The following SARNP variants were observed in gnomAD, a reference collection of about 807,000 sequenced individuals.
SARNP encodes SAP domain-containing ribonucleoprotein.
A neutral mutation model predicts 38.1 loss-of-function variants in SARNP; 5 were observed. The ratio of observed to expected loss-of-function variants is 0.13; its 90% CI spans 0.07 to 0.28. The LOEUF (loss-of-function observed/expected upper bound fraction) is 0.28. SARNP is among the 10% of genes least tolerant of loss of function. SARNP has a pLI of 1.00. For synonymous variants in SARNP, 84 were observed against 80.6 expected, an observed-to-expected ratio of 1.04 and a Z score of -0.23; for missense variants, 180 against 243.9, an observed-to-expected ratio of 0.74 and a Z score of 1.75.
intron 1 of SARNP, among the ~76,000 whole-genome samples, chr12:55,806,900 T>G (rs1880162232): frequency 6.6e-6 from 1 of 152,238 alleles, no homozygotes; most frequent in African/African-American, 2.4e-5. Context: ...TGCTTTATAT[T>G]TATTAAGTAC....
intron 5 of SARNP, among the ~76,000 whole-genome samples, 154 bp from the exon 6 acceptor site, chr12:55,795,034 A>G (rs1391791298): frequency 6.7e-6 from 1 of 149,632 alleles, no homozygotes; most frequent in African/African-American, 2.5e-5. Context: ...ATCTCGGCTC[A>G]CTGCAACCTC....
In SARNP at chr12:55,803,557, A is replaced by G. The variant is rs919089655; in HGVS notation, c.136+72T>C. ...CATTGCTAATGACCTGAAAAAAAAA[A>G]AAGAAATCTTTTCAGTGTCAAAGCC... is the stretch of plus-strand genomic sequence containing the variant. On this transcript the variant is annotated intron_variant, in intron 2 of 10. Coordinates refer to ENST00000336133, the MANE Select transcript of SARNP (RefSeq NM_033082.4). 5.3e-6 allele frequency: 5 copies of G among 950,844 alleles called. No homozygotes were observed. The Admixed American group carries it at 1.2e-4, about 22-fold the overall frequency. 58.9% of individuals were successfully genotyped at this position (950,844 alleles called of 1,614,324 possible). A position where few individuals can be genotyped will look rare whatever the true frequency, so the allele number is the denominator to read the frequency against.
At chr12:55,762,415 G>A (rs1878704805) in intron 9 of SARNP, among the ~76,000 whole-genome samples, 1 of 151,526 alleles carries the variant, frequency 6.6e-6, no homozygotes, top group African/African-American at 2.4e-5. Flanking sequence ...CTGGACTACA[G>A]GCATGTGCCA....
At chr12:55,783,144 G>T (rs932796674) in intron 9 of SARNP, among the ~76,000 whole-genome samples, 3 of 151,972 alleles carry the variant, frequency 2.0e-5, no homozygotes, top group African/African-American at 7.2e-5. Context: ...TATGTGCTAA[G>T]TTCTGTCCTT....
intron 1 of SARNP, among the ~76,000 whole-genome samples, 169 bp downstream of exon 1, chr12:55,817,497 G>A (rs1212393358): frequency 6.6e-6 from 1 of 152,254 alleles, no homozygotes; most frequent in Admixed American, 6.5e-5. Context: ...GGAGAAATGG[G>A]AAATTAGGGA....
chr12:55,781,807 C>T (rs1311576931), intron 9 of SARNP, among the ~76,000 whole-genome samples: 1 of 152,174 alleles, frequency 6.6e-6, no homozygotes. Context: ...CAGCCTTGAC[C>T]TCCTGGACTC....
At chr12:55,811,967 T>C (rs1341105817) in intron 1 of SARNP, among the ~76,000 whole-genome samples, 2 of 152,222 alleles carry the variant, frequency 1.3e-5, no homozygotes, top group Admixed American at 1.3e-4. Context: ...CTCACTATAG[T>C]TTATTCTCAA....
chr12:55,767,437 T>C (rs1354933417), intron 9 of SARNP, among the ~76,000 whole-genome samples: 2 of 151,526 alleles, frequency 1.3e-5, no homozygotes, highest in African/African-American at 4.9e-5. Context: ...TGGTTCCAGC[T>C]ACTCGAGAGG....
downstream of SARNP, chr12:55,756,200 T>G (rs1432261789): frequency 6.6e-6 from 1 of 152,150 alleles, no homozygotes; most frequent in Non-Finnish European, 1.5e-5. Context: ...TCATTCCAAT[T>G]TTAAGGTTTA....
In SARNP at chr12:55,790,585, T is replaced by C. The variant is rs200101615; in HGVS notation, c.414A>G (p.Ser138=). The change falls in exon 8 of 11, where the codon TCA becomes TCG. Residue 138 remains serine, a synonymous_variant. Coordinates refer to ENST00000336133, the MANE Select transcript of SARNP (RefSeq NM_033082.4). ...GISSVPTKGL[S]SDNKPMVNLD... is the part of the protein sequence containing the mutation. ...TTCTTACCATAGGTTTGTTATCAGATGACAGACCTAAGGAAGTAAATAAAG... is the reference window on the plus strand; with the variant it reads ...TTCTTACCATAGGTTTGTTATCAGACGACAGACCTAAGGAAGTAAATAAAG... The C allele has an allele frequency of 1.3e-4, 196 of 1,546,480 alleles. No homozygotes were observed. The highest frequency in any genetic ancestry group is 2.8e-5 in the Non-Finnish European group (32 of 1,146,112).
chr12:55,809,437 C>T (rs1880259358), intron 1 of SARNP, among the ~76,000 whole-genome samples: 3 of 151,886 alleles, frequency 2.0e-5, no homozygotes, highest in East Asian at 1.9e-4. Context: ...CAGTAAGACC[C>T]TGTCCCAAGA....
intron 7 of SARNP, 161 bp downstream of exon 7, chr12:55,794,198 G>T: frequency 1.5e-6 from 1 of 664,590 alleles, no homozygotes; most frequent in Non-Finnish European, 2.7e-6. Context: ...GCCCAGGAAG[G>T]CCTAAGTATA....
chr12:55,763,455 G>A (rs1211320223), intron 9 of SARNP, among the ~76,000 whole-genome samples: 5 of 152,002 alleles, frequency 3.3e-5, no homozygotes, highest in South Asian at 4.1e-4. Flanking sequence ...GGGACTACAT[G>A]CGCACGCCAC....
intron 9 of SARNP, among the ~76,000 whole-genome samples, chr12:55,769,032 T>C (rs763730201): frequency 2.0e-5 from 3 of 152,212 alleles, no homozygotes; most frequent in Non-Finnish European, 4.4e-5. Flanking sequence ...ATCTTCTCTT[T>C]CTCAGACCTT....
intron 9 of SARNP, among the ~76,000 whole-genome samples, chr12:55,766,325 C>T (rs1878828326): frequency 6.6e-6 from 1 of 152,038 alleles, no homozygotes; most frequent in Non-Finnish European, 1.5e-5. Context: ...ACAATTTGCA[C>T]CCAAAATCAA....
intron 9 of SARNP, among the ~76,000 whole-genome samples, chr12:55,770,678 G>C (rs1380982272): frequency 2.0e-5 from 3 of 152,146 alleles, no homozygotes; most frequent in Non-Finnish European, 4.4e-5. Context: ...TAAAGTGTCT[G>C]TTCCCTTTTT....
intron 9 of SARNP, among the ~76,000 whole-genome samples, chr12:55,776,397 C>T (rs1417533365): frequency 6.6e-6 from 1 of 152,088 alleles, no homozygotes; most frequent in East Asian, 1.9e-4. Flanking sequence ...TGGGACACGG[C>T]ACTCTATAAG....
At chr12:55,805,013 C>T (rs1441333090) in intron 1 of SARNP, among the ~76,000 whole-genome samples, 5 of 152,214 alleles carry the variant, frequency 3.3e-5, no homozygotes, top group Non-Finnish European at 7.3e-5. Flanking sequence ...CCTGTAATCC[C>T]AGCACTTTGG....
At chr12:55,792,548 T>C (rs540294763) in intron 7 of SARNP, 1 of 149,858 alleles carries the variant, frequency 6.7e-6, no homozygotes, top group African/African-American at 2.4e-5. Flanking sequence ...TTTTTTTTTT[T>C]TTTTTTTTGT....
Sources: gnomAD v4.1 joint callset for allele counts (sites outside exome capture counted in the v4.1 genomes callset) on GRCh38, gnomAD v4.1.1 for gene constraint, MANE v1.5 for transcripts, NCBI Gene and HGNC (gene_info 2026-07-23, HGNC 2026-07-21) for gene names.